Variants in GPC3 observed in about 807,000 individuals in gnomAD.
GPC3 encodes glypican 3, also known as glypican-3.
In GPC3, 3 loss-of-function variants were observed where a neutral mutation model predicts 34.4. That is an observed-to-expected ratio of 0.09 (90% CI 0.04 to 0.23). GPC3 has a LOEUF of 0.23. Among genes scored for constraint, GPC3 ranks in the 10% least tolerant of loss-of-function variants. The pLI, the probability that GPC3 is intolerant of heterozygous loss-of-function variation, is 1.00. For synonymous variants in GPC3, 177 were observed against 174.0 expected, an observed-to-expected ratio of 1.02 and a Z score of -0.13; for missense variants, 351 against 445.6, an observed-to-expected ratio of 0.79 and a Z score of 1.91.
chrX:133,601,105 C>G (rs1377909563), intron 6 of GPC3, among the ~76,000 whole-genome samples: 2 of 111,959 alleles, frequency 1.8e-5, no homozygotes, highest in Non-Finnish European at 3.8e-5. Context: ...CACATTCCAG[C>G]TTTTTCTACA....
At chrX:133,918,192 G>A (rs985887394) in intron 2 of GPC3, among the ~76,000 whole-genome samples, 3 of 112,153 alleles carry the variant, frequency 2.7e-5, no homozygotes, top group Non-Finnish European at 5.6e-5. Context: ...GACTACTTAA[G>A]CAGGAGAGGA....
At chrX:133,584,785 T>C (rs1185105713) in intron 7 of GPC3, among the ~76,000 whole-genome samples, 4 of 111,012 alleles carry the variant, frequency 3.6e-5, no homozygotes, top group Non-Finnish European at 5.7e-5. Context: ...GGCCTTCTAC[T>C]CCATTTTTAT....
intron 2 of GPC3, among the ~76,000 whole-genome samples, chrX:133,801,074 G>T (rs1389217647): frequency 1.8e-5 from 2 of 111,769 alleles, no homozygotes; most frequent in Non-Finnish European, 3.8e-5. Context: ...AATGAATTAG[G>T]ATATCCAAGC....
At chrX:133,790,697 G>A (rs1301559135) in intron 2 of GPC3, among the ~76,000 whole-genome samples, 1 of 111,065 alleles carries the variant, frequency 9.0e-6, no homozygotes, top group Non-Finnish European at 1.9e-5. Context: ...CAATTAGGCT[G>A]TCAGATATAA....
rs190627013 is a variant in GPC3, at chrX:133,670,660, G to C, written c.1293-8810C>G. Among the ~76,000 whole-genome samples the C allele has an allele frequency of 1.8e-3, 205 of 111,936 alleles. 5 individuals are homozygous for C. The highest frequency in any genetic ancestry group is 1.4e-3 in the Non-Finnish European group (75 of 53,229). ...AGTGATTTATCTGTTTCCTTGGAAC[G>C]CATTCTGGCCACAACAATCACTGTG... is the stretch of plus-strand genomic sequence containing the variant. On this transcript the variant is annotated intron_variant, in intron 5 of 7. Transcript: ENST00000370818.
At chrX:133,959,825 T>C (rs1300231794) in intron 1 of GPC3, among the ~76,000 whole-genome samples, 1 of 112,308 alleles carries the variant, frequency 8.9e-6, no homozygotes, top group East Asian at 2.8e-4. Flanking sequence ...TACGGTTACG[T>C]GACAAAATAT....
At position 133,961,484 on chromosome X, in the gene GPC3, G is replaced by T. The variant is rs191108755; in HGVS notation, c.176-8273C>A. 1.5e-4 allele frequency among the ~76,000 whole-genome samples: 17 copies of T among 111,965 alleles called. No homozygotes were observed. The Admixed American group carries it at 1.6e-3, about 11-fold the overall frequency. On this transcript the variant is annotated intron_variant, in intron 1 of 7. Transcript: ENST00000370818. ...GATCACTACACTCTCCCATAAAGAG[G>T]TTCTTCCTGGACCACTTTACCAACC...
chrX:133,704,386 A>C (rs1237268373), intron 3 of GPC3: 2 of 339,563 alleles, frequency 5.9e-6, no homozygotes, highest in African/African-American at 5.3e-5. Context: ...TAAAAGACAG[A>C]TTAAAAAGAG....
intron 7 of GPC3, among the ~76,000 whole-genome samples, chrX:133,557,413 C>A (rs2069500116): frequency 9.0e-6 from 1 of 111,513 alleles, no homozygotes; most frequent in African/African-American, 3.3e-5. Context: ...ACCTGGGAGT[C>A]ACAGTGACTC....
intron 6 of GPC3, among the ~76,000 whole-genome samples, chrX:133,628,191 A>G (rs2070326906): frequency 8.9e-6 from 1 of 112,402 alleles, no homozygotes; most frequent in African/African-American, 3.2e-5. Context: ...TCACAAACCA[A>G]TGAGGTTGTT....
chrX:133,958,477 C>T (rs1452958861), intron 1 of GPC3, among the ~76,000 whole-genome samples: 1 of 100,784 alleles, frequency 9.9e-6, no homozygotes, highest in Non-Finnish European at 2.0e-5. Flanking sequence ...GCTCAGAGGT[C>T]GAGGCTATAG....
intron 6 of GPC3, among the ~76,000 whole-genome samples, chrX:133,617,904 G>C (rs2070183917): frequency 9.0e-6 from 1 of 111,469 alleles, no homozygotes; most frequent in Non-Finnish European, 1.9e-5. Context: ...GATTACAGGT[G>C]TGAGCCACTG....
chrX:133,951,605 C>T (rs1313690647), intron 2 of GPC3, among the ~76,000 whole-genome samples: 2 of 111,858 alleles, frequency 1.8e-5, no homozygotes, highest in Non-Finnish European at 3.8e-5. Flanking sequence ...AACTCCAAAA[C>T]CAATCTAAGA....
rs1346023188 is a variant in GPC3 at position 133,624,357 on chromosome X, A to G, written c.1414-27758T>C. Among the ~76,000 whole-genome samples the G allele has an allele frequency of 3.6e-5, 4 of 111,738 alleles. No homozygotes were observed. In the East Asian group the frequency reaches 1.1e-3, roughly 31 times the overall value. Reference sequence around the variant, plus strand: ...GACACAAAAAACCCTTCAAAAAATCAATGAATCCAAGGTGCTGGTTTTTTG... The same window carrying G: ...GACACAAAAAACCCTTCAAAAAATCGATGAATCCAAGGTGCTGGTTTTTTG... On this transcript the variant is annotated intron_variant, in intron 6 of 7. Transcript: ENST00000370818.
At chrX:133,632,573 G>A (rs887133594) in intron 6 of GPC3, among the ~76,000 whole-genome samples, 4 of 112,108 alleles carry the variant, frequency 3.6e-5, no homozygotes, top group African/African-American at 9.7e-5. Flanking sequence ...TGAATGGATA[G>A]CTAAATAGAT....
At chrX:133,720,361 T>C (rs971437233) in intron 3 of GPC3, among the ~76,000 whole-genome samples, 8 of 111,453 alleles carry the variant, frequency 7.2e-5, no homozygotes, top group Admixed American at 9.5e-5. Context: ...TGGTGGGAGG[T>C]AATTGAATCA....
At chrX:133,925,514 G>A (rs2076271167) in intron 2 of GPC3, among the ~76,000 whole-genome samples, 1 of 111,914 alleles carries the variant, frequency 8.9e-6, no homozygotes, top group Non-Finnish European at 1.9e-5. Flanking sequence ...TGGTGTGATG[G>A]CATAAATGAT....
intron 2 of GPC3, among the ~76,000 whole-genome samples, chrX:133,940,020 G>C (rs2076338553): frequency 9.0e-6 from 1 of 110,984 alleles, no homozygotes; most frequent in Non-Finnish European, 1.9e-5. Context: ...TGTTTGTCAG[G>C]GTAGCAGCCC....
chrX:133,591,365 A>G (rs1167100840), intron 7 of GPC3, among the ~76,000 whole-genome samples: 1 of 111,741 alleles, frequency 8.9e-6, no homozygotes, highest in Non-Finnish European at 1.9e-5. Flanking sequence ...TGACCAAAGC[A>G]TATAGCCTGT....
Sources: gnomAD v4.1 joint callset for allele counts (sites outside exome capture counted in the v4.1 genomes callset) on GRCh38, gnomAD v4.1.1 for gene constraint, MANE v1.5 for transcripts, NCBI Gene and HGNC (gene_info 2026-07-23, HGNC 2026-07-21) for gene names.